The following SYBU variants were observed in gnomAD, a reference collection of about 807,000 sequenced individuals.
The protein encoded by SYBU is syntabulin, also known as GOLSYN A protein.
Under a neutral mutation model 35.9 loss-of-function variants are expected in SYBU, and 21 were observed. That is an observed-to-expected ratio of 0.58 (90% CI 0.41 to 0.84). SYBU has a LOEUF of 0.84. SYBU is among the 40% of genes least tolerant of loss of function. SYBU has a pLI of 0.00. For synonymous variants in SYBU, 319 were observed against 324.3 expected, an observed-to-expected ratio of 0.98 and a Z score of 0.18; for missense variants, 768 against 848.2, an observed-to-expected ratio of 0.91 and a Z score of 1.17.
chr8:109,672,883 A>G (rs1261521167), intron 1 of SYBU, among the ~76,000 whole-genome samples: 2 of 152,098 alleles, frequency 1.3e-5, no homozygotes, highest in Non-Finnish European at 2.9e-5. Flanking sequence ...TGAGTAGGTG[A>G]TTTTCCCCAC....
intron 3 of SYBU, among the ~76,000 whole-genome samples, chr8:109,600,861 T>C (rs932832931): frequency 6.6e-6 from 1 of 152,156 alleles, no homozygotes; most frequent in Non-Finnish European, 1.5e-5. Flanking sequence ...ATGCAAACAC[T>C]TAGGATACTC....
intron 2 of SYBU, among the ~76,000 whole-genome samples, chr8:109,620,525 T>C (rs1812295896): frequency 1.3e-5 from 2 of 152,202 alleles, no homozygotes; most frequent in Admixed American, 6.5e-5. Context: ...ATATCTCAAT[T>C]CCTGGAACAG....
At chr8:109,672,597 T>C (rs1208558606) in intron 1 of SYBU, among the ~76,000 whole-genome samples, 2 of 152,136 alleles carry the variant, frequency 1.3e-5, no homozygotes, top group Non-Finnish European at 2.9e-5. Context: ...AGCACAAAAC[T>C]AGATGGCTGT....
At position 109,667,141 on chromosome 8, in the gene SYBU, GA is replaced by G. The variant is rs1169385301; in HGVS notation, c.-129+13569del. 1.2e-4 allele frequency among the ~76,000 whole-genome samples: 19 copies of G among 152,190 alleles called. No individual in the cohort carries two copies. In the East Asian group the frequency reaches 3.3e-3, roughly 26 times the overall value. On this transcript the variant is annotated intron_variant, in intron 1 of 5. Coordinates refer to the SYBU transcript ENST00000408889. ...ATTATTATTTCCTTTTTTTGAGACA[GA>G]GTCTGGCTCTGTCGCCCAGGCTGGA...
intron 3 of SYBU, among the ~76,000 whole-genome samples, chr8:109,591,957 T>C (rs1256623155): frequency 1.3e-5 from 2 of 152,000 alleles, no homozygotes; most frequent in Non-Finnish European, 1.5e-5. Context: ...AGGAATGAAT[T>C]TACCCTCTCT....
intron 2 of SYBU, among the ~76,000 whole-genome samples, chr8:109,636,094 GGA>G (rs1814196434): frequency 6.6e-6 from 1 of 152,170 alleles, no homozygotes; most frequent in Non-Finnish European, 1.5e-5. Flanking sequence ...TTGAGCTCAT[GGA>G]AGAAGTTCTG....
At chr8:109,655,965 A>T (rs746830120) in intron 1 of SYBU, among the ~76,000 whole-genome samples, 1 of 152,044 alleles carries the variant, frequency 6.6e-6, no homozygotes, top group Non-Finnish European at 1.5e-5. Context: ...AAATATAAAA[A>T]ATTAGCCAGG....
At chr8:109,619,125 C>A in intron 2 of SYBU, 86 bp from the exon 3 acceptor site, 2 of 985,060 alleles carry the variant, frequency 2.0e-6, no homozygotes, top group Non-Finnish European at 3.1e-6. Context: ...CACACACGCA[C>A]ACGTGCACTC....
At position 109,577,721 on chromosome 8, in the gene SYBU, C is replaced by G. The variant is rs998012479; in HGVS notation, c.884+147G>C. 10 of 855,198 alleles carry G rather than the reference C, an allele frequency of 1.2e-5. No homozygotes were observed. In the African/African-American group the frequency reaches 1.5e-4, roughly 13 times the overall value. 53.0% of individuals were successfully genotyped at this position (855,198 alleles called of 1,614,324 possible). ...CATATCACACAGAGTTATGAAATGA[C>G]TCTTTTCAGAGGCTGACTTTAAAAA... On this transcript the variant is annotated intron_variant, in intron 6 of 6. Coordinates refer to ENST00000276646, the MANE Select transcript of SYBU (RefSeq NM_001099754.2).
intron 2 of SYBU, among the ~76,000 whole-genome samples, chr8:109,631,493 G>A (rs1813620169): frequency 6.6e-6 from 1 of 152,204 alleles, no homozygotes; most frequent in African/African-American, 2.4e-5. Flanking sequence ...GGAGGATGCA[G>A]GGCCAGGTGA....
intron 3 of SYBU, among the ~76,000 whole-genome samples, chr8:109,600,423 C>T (rs1287461076): frequency 2.0e-5 from 3 of 152,264 alleles, no homozygotes; most frequent in South Asian, 2.1e-4. Flanking sequence ...GCAAAAACCA[C>T]GCTAACTGCA....
At chr8:109,674,251 G>A (rs201360181) in intron 1 of SYBU, among the ~76,000 whole-genome samples, 7 of 145,382 alleles carry the variant, frequency 4.8e-5, no homozygotes, top group Non-Finnish European at 3.0e-5. Context: ...AGGTTGAAAT[G>A]AAAAAAAAAA....
At position 109,644,292 on chromosome 8, in the gene SYBU, G is replaced by T. The variant is rs1411857264; in HGVS notation, c.24+344C>A. 2.5e-5 allele frequency: 13 copies of T among 526,958 alleles called. No homozygotes were observed. In the Middle Eastern group the frequency reaches 3.0e-3, roughly 122 times the overall value. 32.6% of individuals were successfully genotyped at this position (526,958 alleles called of 1,614,324 possible). On this transcript the variant is annotated intron_variant, in intron 1 of 6. Transcript: ENST00000276646. ...GCTAAGGCAGGGTCACTGACACGCG[G>T]GAGTCCTCTTTTCCCAGTCGCGGAT...
chr8:109,682,050 C>G (rs1270101464), upstream of SYBU, among the ~76,000 whole-genome samples: 1 of 152,136 alleles, frequency 6.6e-6, no homozygotes, highest in Non-Finnish European at 1.5e-5. Context: ...AACTGTGAGT[C>G]AATTAAACCT....
At chr8:109,687,093 T>A (rs1192421240) in intron 1 of SYBU, among the ~76,000 whole-genome samples, 1 of 152,132 alleles carries the variant, frequency 6.6e-6, no homozygotes, top group African/African-American at 2.4e-5. Flanking sequence ...AGTTCACAGT[T>A]TCAAGAAGAC....
chr8:109,607,817 C>CACACACAT, intron 3 of SYBU: 1 of 507,458 alleles, frequency 2.0e-6, no homozygotes, highest in Non-Finnish European at 3.5e-6. Flanking sequence ...CTCACACACA[C>CACACACAT]ACACACACAC....
At chr8:109,593,199 AG>A (rs1824482098) in intron 3 of SYBU, among the ~76,000 whole-genome samples, 1 of 152,192 alleles carries the variant, frequency 6.6e-6, no homozygotes, top group Non-Finnish European at 1.5e-5. Context: ...CCATATTATG[AG>A]GAAGAGAGCT....
intron 2 of SYBU, among the ~76,000 whole-genome samples, chr8:109,638,159 G>T (rs1814438953): frequency 6.6e-6 from 1 of 152,158 alleles, no homozygotes; most frequent in African/African-American, 2.4e-5. Flanking sequence ...GGCGCCCCAA[G>T]GAGAACTAGC....
chr8:109,679,471 G>C (rs892373297), intron 1 of SYBU, among the ~76,000 whole-genome samples: 24 of 152,180 alleles, frequency 1.6e-4, no homozygotes, highest in African/African-American at 5.6e-4. Flanking sequence ...CTTGGGGTCT[G>C]GATCGGGACC....
Sources: gnomAD v4.1 joint callset for allele counts (sites outside exome capture counted in the v4.1 genomes callset) on GRCh38, gnomAD v4.1.1 for gene constraint, MANE v1.5 for transcripts, NCBI Gene and HGNC (gene_info 2026-07-23, HGNC 2026-07-21) for gene names.